Variants in CTNNA2 observed in about 807,000 individuals in gnomAD.
The protein encoded by CTNNA2 is catenin alpha-2.
A neutral mutation model predicts 101.0 loss-of-function variants in CTNNA2; 42 were observed. That is an observed-to-expected ratio of 0.42 (90% CI 0.32 to 0.54). CTNNA2 has a LOEUF of 0.54. CTNNA2 is among the 20% of genes least tolerant of loss of function. The pLI is 0.14. For synonymous variants in CTNNA2, 450 were observed against 456.4 expected (o/e 0.99, Z 0.18); for missense variants, 871 against 1,223.1 (o/e 0.71, Z 4.29).
intron 18 of CTNNA2, among the ~76,000 whole-genome samples, chr2:80,638,401 C>A (rs1016585884): frequency 7.2e-5 from 11 of 152,024 alleles, no homozygotes; most frequent in Admixed American, 3.3e-4. Flanking sequence ...ACATGGAAAC[C>A]AATAACTTAG....
At chr2:80,477,514 T>A (rs576752563) in intron 9 of CTNNA2, among the ~76,000 whole-genome samples, 3 of 152,148 alleles carry the variant, frequency 2.0e-5, no homozygotes, top group Admixed American at 1.3e-4. Context: ...CTCCCACCCA[T>A]CCTTTCCCAT....
In CTNNA2 at chr2:80,302,434, C is replaced by A; in HGVS notation, c.1057-90777C>A. ...GCTTCCTGCGCTGCGTGACAAAGCA[C>A]TGTCTGAGCTGCCTGAGGCTGGCTG... On this transcript the variant is annotated intron_variant, in intron 7 of 18. Coordinates refer to ENST00000402739, the MANE Select transcript of CTNNA2 (RefSeq NM_001282597.3). This position sits in a 1 kb window ranked among gnomAD's most constrained non-coding sequence, Gnocchi z 6.4. 2 of 1,614,234 alleles carry A rather than the reference C, an allele frequency of 1.2e-6. No individual in the cohort carries two copies. Among genetic ancestry groups the A allele is most frequent in the Non-Finnish European group, 1.7e-6 (2 of 1,180,044 alleles).
chr2:80,548,796 A>G (rs944597030), intron 11 of CTNNA2, among the ~76,000 whole-genome samples: 2 of 152,148 alleles, frequency 1.3e-5, no homozygotes, highest in African/African-American at 4.8e-5. Context: ...TAGGGAAACT[A>G]CTTCTCATCT....
At chr2:80,459,127 G>A (rs1044156709) in intron 9 of CTNNA2, among the ~76,000 whole-genome samples, 1 of 152,124 alleles carries the variant, frequency 6.6e-6, no homozygotes, top group Admixed American at 6.6e-5. Context: ...GCCTAGGCAC[G>A]TAGTAGGATA....
chr2:79,811,379 G>T (rs939886390), intron 3 of CTNNA2, among the ~76,000 whole-genome samples: 16 of 152,026 alleles, frequency 1.1e-4, no homozygotes, highest in African/African-American at 3.9e-4. Flanking sequence ...GGGGTTGTTT[G>T]TTTTTTTCTT....
At chr2:79,427,260 G>A (rs1678602652) in intron 4 of CTNNA2, among the ~76,000 whole-genome samples, 2 of 151,930 alleles carry the variant, frequency 1.3e-5, no homozygotes, top group South Asian at 4.2e-4. Flanking sequence ...AAATTTCACA[G>A]GAATGTAGAA....
chr2:80,281,453 G>T (rs1674369790), intron 7 of CTNNA2, among the ~76,000 whole-genome samples: 1 of 152,132 alleles, frequency 6.6e-6, no homozygotes, highest in Non-Finnish European at 1.5e-5. Context: ...CTTTTAAGAA[G>T]TTATTTTCTA....
At chr2:80,170,558 A>G (rs892282925) in intron 7 of CTNNA2, among the ~76,000 whole-genome samples, 29 of 152,056 alleles carry the variant, frequency 1.9e-4, no homozygotes, top group African/African-American at 6.8e-4. Context: ...ATTACAACCT[A>G]TTGTAGTGTT....
In CTNNA2 at chr2:79,836,618, G is replaced by A. The variant is rs142323567; in HGVS notation, c.299-21395G>A. Among the ~76,000 whole-genome samples, 372 of 152,270 alleles carry A rather than the reference G, an allele frequency of 2.4e-3. 3 individuals are homozygous for A. The highest frequency in any genetic ancestry group is 8.7e-3 in the African/African-American group (363 of 41,546). ...GGCCACACTTCCTTTGAAACATGTA[G>A]GGAATAATCCCTCCTTGCTTCTTCC... is the stretch of plus-strand genomic sequence containing the variant. On this transcript the variant is annotated intron_variant, in intron 3 of 18. Coordinates refer to ENST00000402739, the MANE Select transcript of CTNNA2 (RefSeq NM_001282597.3).
intron 17 of CTNNA2, 177 bp downstream of exon 17, chr2:80,608,495 T>C (rs1209270734): frequency 9.3e-6 from 5 of 539,466 alleles, no homozygotes; most frequent in African/African-American, 1.9e-5. Flanking sequence ...AAAGAGCAAT[T>C]TGATTTTCCA....
At chr2:80,023,961 C>T (rs976309972) in intron 7 of CTNNA2, among the ~76,000 whole-genome samples, 1 of 151,968 alleles carries the variant, frequency 6.6e-6, no homozygotes, top group Non-Finnish European at 1.5e-5. Flanking sequence ...GTGGTGGGCG[C>T]CTGTAGTCCC....
chr2:79,969,829 C>G (rs1690352362), intron 7 of CTNNA2, among the ~76,000 whole-genome samples: 1 of 152,088 alleles, frequency 6.6e-6, no homozygotes, highest in Admixed American at 6.6e-5. Flanking sequence ...CAATTCTGTT[C>G]AAGGTATTGT....
Position 79,632,133 on chromosome 2 carries a change from T to C in CTNNA2, c.-5-19419T>C, listed in dbSNP as rs1679736375. On this transcript the variant is annotated intron_variant, in intron 1 of 18. Transcript: ENST00000402739. ...TCCGTAGTGAGGCTAATTTAGTTCA[T>C]TCCAATAAAATATTTTAAGGTCTTT... 2.6e-5 allele frequency among the ~76,000 whole-genome samples: 4 copies of C among 152,256 alleles called. No individual in the cohort carries two copies. The South Asian group carries it at 6.2e-4, about 24-fold the overall frequency.
chr2:80,128,434 T>C (rs2148890609), intron 7 of CTNNA2, among the ~76,000 whole-genome samples: 1 of 152,208 alleles, frequency 6.6e-6, no homozygotes, highest in African/African-American at 2.4e-5. Flanking sequence ...GTCCCTATCC[T>C]CTCTGGGCCA....
chr2:80,304,907 CAAAAAAAAAAAAA>C (rs56174873), intron 7 of CTNNA2, among the ~76,000 whole-genome samples: 1 of 73,846 alleles, frequency 1.4e-5, no homozygotes, highest in Non-Finnish European at 2.7e-5. Context: ...GTCCATATTT[CAAAAAAAAAAAAA>C]AAAAAAAAAA....
intron 7 of CTNNA2, among the ~76,000 whole-genome samples, chr2:80,334,200 G>A (rs558985764): frequency 6.6e-6 from 1 of 152,278 alleles, no homozygotes; most frequent in South Asian, 2.1e-4. Flanking sequence ...CTGGATCTCA[G>A]CTAAAGCAAT....
At chr2:79,271,351 C>T (rs915664103) in intron 2 of CTNNA2, among the ~76,000 whole-genome samples, 1 of 151,964 alleles carries the variant, frequency 6.6e-6, no homozygotes, top group South Asian at 2.1e-4. Context: ...ACACGTGGGT[C>T]ACTAAACCCA....
At chr2:80,218,173 C>G (rs1413498314) in intron 7 of CTNNA2, among the ~76,000 whole-genome samples, 1 of 152,316 alleles carries the variant, frequency 6.6e-6, no homozygotes, top group East Asian at 1.9e-4. Flanking sequence ...GTGGAAAACT[C>G]TCTCTCTTGA....
At chr2:79,934,256 T>G (rs1687637552) in intron 7 of CTNNA2, among the ~76,000 whole-genome samples, 1 of 152,228 alleles carries the variant, frequency 6.6e-6, no homozygotes, top group Non-Finnish European at 1.5e-5. Flanking sequence ...CAATTTGGCC[T>G]GATTACAGAA....
Sources: allele counts gnomAD v4.1 joint callset (sites outside exome capture counted in the v4.1 genomes callset), GRCh38; gene constraint gnomAD v4.1.1; non-coding constraint Gnocchi (gnomAD v3.1); transcripts MANE v1.5; gene names NCBI Gene and HGNC (gene_info 2026-07-23, HGNC 2026-07-21).